Variants in FTO observed in about 807,000 individuals in gnomAD.
FTO encodes the protein alpha-ketoglutarate-dependent dioxygenase FTO.
In FTO, 47 loss-of-function variants were observed where a neutral mutation model predicts 63.9. The ratio of observed to expected loss-of-function variants is 0.74; its 90% CI spans 0.58 to 0.94. The LOEUF is 0.94. Ranked by LOEUF, FTO falls within the 40% of genes least tolerant of loss-of-function variation. FTO has a pLI of 0.00. For synonymous variants in FTO, 207 were observed against 224.4 expected, an observed-to-expected ratio of 0.92 and a Z score of 0.69; for missense variants, 562 against 618.1, an observed-to-expected ratio of 0.91 and a Z score of 0.96.
At chr16:53,839,802 TATTTATTTATTTA>T (rs1567347029) in intron 3 of FTO, among the ~76,000 whole-genome samples, 22 of 106,676 alleles carry the variant, frequency 2.1e-4, no homozygotes, top group African/African-American at 7.3e-4. Context: ...TTTATTTATT[TATTTATTTATTTA>T]TTTATTTTAA....
chr16:54,100,705 G>A (rs2086621155), intron 8 of FTO, among the ~76,000 whole-genome samples: 1 of 152,140 alleles, frequency 6.6e-6, no homozygotes, highest in African/African-American at 2.4e-5. Flanking sequence ...CCTTTGGTGT[G>A]AGAGGAGATG....
rs370064953 is a variant in FTO, at chr16:53,711,673, A to G, written c.45+7444A>G. 3.6e-3 allele frequency among the ~76,000 whole-genome samples: 554 copies of G among 152,356 alleles called. 4 individuals are homozygous for G. Among genetic ancestry groups the G allele is most frequent in the African/African-American group, 0.012 (513 of 41,592 alleles). On this transcript the variant is annotated intron_variant, in intron 1 of 8. Coordinates refer to ENST00000471389, the MANE Select transcript of FTO (RefSeq NM_001080432.3). ...AAAAAGCTATGGATGTTGAAATCCA[A>G]GTTAGCTTCAAAGACTCTTATGCTG...
intron 5 of FTO, among the ~76,000 whole-genome samples, chr16:53,874,744 ATTGCTGTG>A (rs1286560265): frequency 6.6e-6 from 1 of 152,156 alleles, no homozygotes; most frequent in Admixed American, 6.5e-5. Context: ...GAACGATCAT[ATTGCTGTG>A]TGGCAGAGAG....
rs2086934991 is a variant in FTO at position 54,113,497 on chromosome 16, G to T, written c.*1582G>T. 6.6e-6 allele frequency: 1 copy of T among 152,200 alleles called. No homozygotes were observed. The highest frequency in any genetic ancestry group is 2.4e-5 in the African/African-American group (1 of 41,428). 9.4% of individuals were successfully genotyped at this position (152,200 alleles called of 1,614,324 possible). ...AGCAAAGCAGCCAGGGTCTCATCGT[G>T]TTGAGACTCGAGTCTCTCAGACCTT... On this transcript the variant is annotated 3_prime_UTR_variant, in exon 9 of 9. Transcript: ENST00000471389.
At chr16:53,816,089 C>T in intron 2 of FTO, among the ~76,000 whole-genome samples, 1 of 152,088 alleles carries the variant, frequency 6.6e-6, no homozygotes, top group Non-Finnish European at 1.5e-5. Flanking sequence ...CCTTCCTTGC[C>T]TTTGTGCCCA....
At chr16:54,035,321 G>T (rs2084919761) in intron 8 of FTO, among the ~76,000 whole-genome samples, 1 of 152,204 alleles carries the variant, frequency 6.6e-6, no homozygotes, top group Admixed American at 6.5e-5. Context: ...TTTTGATGGG[G>T]CCATTGTGGT....
intron 8 of FTO, among the ~76,000 whole-genome samples, chr16:54,059,036 C>T (rs1299973361): frequency 1.3e-5 from 2 of 152,134 alleles, no homozygotes; most frequent in Non-Finnish European, 2.9e-5. Context: ...ATCAGCTCAG[C>T]CAGACAATAC....
intron 8 of FTO, among the ~76,000 whole-genome samples, chr16:54,013,904 A>C (rs771191351): frequency 2.0e-5 from 3 of 152,180 alleles, no homozygotes; most frequent in Non-Finnish European, 2.9e-5. Context: ...CTGAACCTGC[A>C]ATATTGTCAA....
chr16:54,049,696 C>T (rs1273782463), intron 8 of FTO, among the ~76,000 whole-genome samples: 1 of 152,192 alleles, frequency 6.6e-6, no homozygotes, highest in African/African-American at 2.4e-5. Context: ...TTTACCTCCC[C>T]TGGAGCTGCC....
At chr16:53,749,036 G>A (rs866357840) in intron 1 of FTO, among the ~76,000 whole-genome samples, 1 of 152,208 alleles carries the variant, frequency 6.6e-6, no homozygotes, top group African/African-American at 2.4e-5. Context: ...AAAGTGCTGG[G>A]ATTACAGGCA....
intron 8 of FTO, among the ~76,000 whole-genome samples, chr16:54,042,067 A>G (rs1175548285): frequency 6.6e-6 from 1 of 152,154 alleles, no homozygotes; most frequent in African/African-American, 2.4e-5. Flanking sequence ...GGTTTGTCCA[A>G]TGGTATCAGG....
intron 8 of FTO, among the ~76,000 whole-genome samples, chr16:54,041,490 C>T (rs1223986671): frequency 6.6e-6 from 1 of 152,136 alleles, no homozygotes; most frequent in African/African-American, 2.4e-5. Flanking sequence ...CCCTAGTAGA[C>T]CCACCTAGCG....
chr16:53,846,262 G>A (rs2079617769), intron 4 of FTO, among the ~76,000 whole-genome samples: 1 of 152,120 alleles, frequency 6.6e-6, no homozygotes, highest in South Asian at 2.1e-4. Flanking sequence ...CCTGATCTCA[G>A]GAAGTAAGTT....
chr16:54,078,784 G>A (rs2086064558), intron 8 of FTO, among the ~76,000 whole-genome samples: 1 of 152,088 alleles, frequency 6.6e-6, no homozygotes. Flanking sequence ...GAAAGGCCAG[G>A]TATGGTGGTT....
intron 7 of FTO, among the ~76,000 whole-genome samples, chr16:53,892,309 C>T (rs1322412989): frequency 2.0e-5 from 3 of 152,036 alleles, no homozygotes; most frequent in Non-Finnish European, 4.4e-5. Flanking sequence ...GTTAGCCTTT[C>T]AGGAAAACGC....
intron 2 of FTO, among the ~76,000 whole-genome samples, chr16:53,817,705 TC>T (rs1477281625): frequency 2.6e-5 from 4 of 152,140 alleles, no homozygotes; most frequent in African/African-American, 9.7e-5. Flanking sequence ...TTCAGAAGCA[TC>T]TCTTGATATG....
At chr16:53,770,577 A>G (rs886279798) in intron 1 of FTO, among the ~76,000 whole-genome samples, 42 of 152,326 alleles carry the variant, frequency 2.8e-4, no homozygotes, top group African/African-American at 9.9e-4. Context: ...TTGCTTTGAA[A>G]AGGTGTATGT....
intron 7 of FTO, among the ~76,000 whole-genome samples, chr16:53,900,397 T>C (rs2081373583): frequency 6.6e-6 from 1 of 152,144 alleles, no homozygotes; most frequent in African/African-American, 2.4e-5. Context: ...AAAAGGGCAA[T>C]GTGTTAAGAC....
At chr16:53,843,003 C>CTATTTATTT (rs1567350879) in intron 3 of FTO, among the ~76,000 whole-genome samples, 1 of 152,044 alleles carries the variant, frequency 6.6e-6, no homozygotes, top group African/African-American at 2.4e-5. Flanking sequence ...TGAGTATAGC[C>CTATTTATTT]TATTTATTTT....
Sources: gnomAD v4.1 joint callset for allele counts (sites outside exome capture counted in the v4.1 genomes callset) on GRCh38, gnomAD v4.1.1 for gene constraint, MANE v1.5 for transcripts, NCBI Gene and HGNC (gene_info 2026-07-23, HGNC 2026-07-21) for gene names.